The following DLGAP1 variants were observed in gnomAD, a reference collection of about 807,000 sequenced individuals.
DLGAP1 encodes disks large-associated protein 1.
In DLGAP1, 11 loss-of-function variants were observed where a neutral mutation model predicts 90.8. The ratio of observed to expected loss-of-function variants is 0.12; its 90% confidence interval spans 0.08 to 0.20. The LOEUF (loss-of-function observed/expected upper bound fraction) is 0.20. Among genes scored for constraint, DLGAP1 ranks in the 10% least tolerant of loss-of-function variants. The pLI, the probability that DLGAP1 is intolerant of heterozygous loss-of-function variation, is 1.00. For missense variants in DLGAP1, 1,050 were observed against 1,333.8 expected, an observed-to-expected ratio of 0.79 and a Z score of 3.31; for synonymous variants, 558 against 540.7, an observed-to-expected ratio of 1.03 and a Z score of -0.44.
intron 2 of DLGAP1, among the ~76,000 whole-genome samples, chr18:4,139,818 C>A (rs2076466497): frequency 6.6e-6 from 1 of 151,806 alleles, no homozygotes. Flanking sequence ...TATTTATAAT[C>A]ATTACATCCT....
In DLGAP1 at chr18:3,659,971, C is replaced by T. The variant is rs79289710; in HGVS notation, c.1591+69164G>A. On this transcript the variant is annotated intron_variant, in intron 7 of 12. Coordinates refer to ENST00000315677, the MANE Select transcript of DLGAP1 (RefSeq NM_004746.4). ...TTTGCAATGCTATTTCCTTTCTGCC[C>T]TTGGCTGGTGTACTTGCGGCTCGCT... 9.0e-3 allele frequency among the ~76,000 whole-genome samples: 1,375 copies of T among 152,264 alleles called. 65 individuals carry two copies. In the East Asian group the frequency reaches 0.15, roughly 17 times the overall value.
chr18:3,876,514 C>T (rs527464834), intron 4 of DLGAP1, among the ~76,000 whole-genome samples: 153 of 152,194 alleles, frequency 1.0e-3, no homozygotes, highest in South Asian at 1.9e-3. Context: ...AATTATTTCC[C>T]AATGTAGGAC....
chr18:3,551,650 C>CCCTT (rs1555677429), intron 9 of DLGAP1, among the ~76,000 whole-genome samples: 1 of 74,958 alleles, frequency 1.3e-5, no homozygotes, highest in Non-Finnish European at 2.8e-5. Context: ...CTTTCTCTCT[C>CCCTT]TCTTTGTCTC....
chr18:4,385,518 A>C (rs1010212183), intron 1 of DLGAP1, among the ~76,000 whole-genome samples: 2 of 151,778 alleles, frequency 1.3e-5, no homozygotes, highest in African/African-American at 4.8e-5. Context: ...ATCACATCTG[A>C]TTTGAGAGAT....
chr18:4,200,528 G>T (rs1455539913), intron 1 of DLGAP1, among the ~76,000 whole-genome samples: 1 of 151,376 alleles, frequency 6.6e-6, no homozygotes, highest in Non-Finnish European at 1.5e-5. Flanking sequence ...CACAAAGAAG[G>T]ACATATTTTG....
chr18:3,839,932 C>T (rs2068621037), intron 4 of DLGAP1, among the ~76,000 whole-genome samples: 1 of 152,216 alleles, frequency 6.6e-6, no homozygotes, highest in African/African-American at 2.4e-5. Flanking sequence ...CAGCCCCACC[C>T]TGAATCACCA....
At chr18:4,188,651 T>C (rs1040889112) in intron 1 of DLGAP1, among the ~76,000 whole-genome samples, 2 of 152,192 alleles carry the variant, frequency 1.3e-5, no homozygotes, top group African/African-American at 4.8e-5. Context: ...GAACTCATTC[T>C]TTCTTAAGGC....
chr18:4,019,828 CAT>C (rs58052242), intron 2 of DLGAP1, among the ~76,000 whole-genome samples: 36,122 of 150,784 alleles, frequency 0.24, 4,663 homozygotes, highest in East Asian at 0.38. Context: ...CACACACACA[CAT>C]ACACACGCAC....
chr18:3,894,910 T>G (rs1182813634), intron 3 of DLGAP1: 1 of 152,222 alleles, frequency 6.6e-6, no homozygotes, highest in Admixed American at 6.5e-5. Context: ...GTTGACCTCC[T>G]TGTTTGTCCC....
chr18:3,636,975 G>A (rs916678517), intron 7 of DLGAP1, among the ~76,000 whole-genome samples: 18 of 151,874 alleles, frequency 1.2e-4, no homozygotes, highest in African/African-American at 3.6e-4. Context: ...CACCCGCCTC[G>A]GCATCCCAAA....
At chr18:4,138,458 G>T (rs1351687105) in intron 2 of DLGAP1, among the ~76,000 whole-genome samples, 22 of 151,922 alleles carry the variant, frequency 1.4e-4, no homozygotes, top group Admixed American at 1.4e-3. Context: ...TGATTCATCT[G>T]CATATGTTGA....
chr18:3,790,343 CTG>C (rs2148217756), intron 5 of DLGAP1, among the ~76,000 whole-genome samples: 1 of 151,438 alleles, frequency 6.6e-6, no homozygotes, highest in South Asian at 2.1e-4. Flanking sequence ...TGATAGCTCA[CTG>C]TAGCCTCGAA....
chr18:3,741,330 TCACCACCAC>T (rs376924253), intron 6 of DLGAP1, among the ~76,000 whole-genome samples: 6 of 64,010 alleles, frequency 9.4e-5, no homozygotes, highest in African/African-American at 7.1e-5. Context: ...ACCACCACCA[TCACCACCAC>T]CACCACCACC....
chr18:4,289,351 G>C (rs2079788642), intron 1 of DLGAP1, among the ~76,000 whole-genome samples: 1 of 152,186 alleles, frequency 6.6e-6, no homozygotes. Flanking sequence ...GGAAAAGCTT[G>C]TGTGGCCAGA....
intron 3 of DLGAP1, among the ~76,000 whole-genome samples, chr18:3,903,753 C>T (rs188999826): frequency 1.1e-4 from 17 of 152,226 alleles, no homozygotes; most frequent in African/African-American, 4.1e-4. Context: ...GTGATAGTAC[C>T]ATGAAAAACA....
chr18:3,514,535 C>A (rs2050719606), intron 10 of DLGAP1, among the ~76,000 whole-genome samples: 1 of 152,162 alleles, frequency 6.6e-6, no homozygotes, highest in Non-Finnish European at 1.5e-5. Context: ...TAGTATGTTT[C>A]ATTTTAGTCT....
Position 4,385,964 on chromosome 18 carries a change from CAAAG to C in DLGAP1, c.-267+69038_-267+69041del, listed in dbSNP as rs1278246000. 2.0e-5 allele frequency among the ~76,000 whole-genome samples: 3 copies of C among 151,956 alleles called. No homozygotes were observed. The East Asian group carries it at 5.8e-4, about 29-fold the overall frequency. ...AAAGCTTTTCAAGCACAGAAAAGCA[CAAAG>C]AAATATATGGAATGAGAACTGGGAC... On this transcript the variant is annotated intron_variant, in intron 1 of 12. Transcript: ENST00000315677.
intron 2 of DLGAP1, among the ~76,000 whole-genome samples, chr18:4,013,103 T>A (rs769775638): frequency 3.3e-5 from 5 of 152,208 alleles, no homozygotes; most frequent in Non-Finnish European, 5.9e-5. Flanking sequence ...TTTTCTTATT[T>A]AAAAAAATTC....
At position 3,879,801 on chromosome 18, in the gene DLGAP1, G is replaced by A; in HGVS notation, c.268C>T (p.Arg90Cys). The A allele has an allele frequency of 1.2e-6, 2 of 1,607,474 alleles. No individual in the cohort carries two copies. The highest frequency in any genetic ancestry group is 1.7e-6 in the Non-Finnish European group (2 of 1,179,886). ...ELKDECALVP[R>C]TLATKANRIP... Reference sequence around the variant, plus strand: ...CGGTTCGCCTTGGTGGCCAGGGTGCGGGGCACCAGGGCACACTCGTCCTTC... The same window carrying A: ...CGGTTCGCCTTGGTGGCCAGGGTGCAGGGCACCAGGGCACACTCGTCCTTC... The change falls in exon 4 of 13, where the codon CGC (arginine) becomes TGC (cysteine). Residue 90 changes from arginine to cysteine, a missense_variant. By Grantham distance (180) the Arg-to-Cys change is radical. Transcript: ENST00000315677. The surrounding 1 kb of genome is among the most constrained non-coding windows in gnomAD (Gnocchi z 6.6).
Sources: allele counts gnomAD v4.1 joint callset (sites outside exome capture counted in the v4.1 genomes callset), GRCh38; gene constraint gnomAD v4.1.1; non-coding constraint Gnocchi (gnomAD v3.1); transcripts MANE v1.5; gene names NCBI Gene and HGNC (gene_info 2026-07-23, HGNC 2026-07-21).